Variants in KIFAP3 observed in about 807,000 individuals in gnomAD.
KIFAP3 encodes kinesin associated protein 3, also known as kinesin-associated protein 3.
KIFAP3 carries 68 observed loss-of-function variants against 106.5 expected under a neutral mutation model. That is an observed-to-expected ratio of 0.64 (90% CI 0.53 to 0.78). The LOEUF is 0.78. KIFAP3 is among the 30% of genes least tolerant of loss of function. The pLI is 0.00. For missense variants in KIFAP3, 780 were observed against 941.8 expected (o/e 0.83, Z 2.25); for synonymous variants, 320 against 311.5 (o/e 1.03, Z -0.29).
At chr1:169,986,367 T>C (rs565175560) in intron 11 of KIFAP3, among the ~76,000 whole-genome samples, 5 of 152,028 alleles carry the variant, frequency 3.3e-5, no homozygotes, top group Non-Finnish European at 7.4e-5. Context: ...TCTAAGCAAA[T>C]ACACTGATCT....
At chr1:170,066,110 T>A (rs1009729518) in intron 1 of KIFAP3, among the ~76,000 whole-genome samples, 1 of 152,156 alleles carries the variant, frequency 6.6e-6, no homozygotes, top group African/African-American at 2.4e-5. Flanking sequence ...GTTACCTTTT[T>A]TTTTTCACAA....
chr1:170,067,506 T>G (rs1365944957), intron 1 of KIFAP3: 1 of 152,284 alleles, frequency 6.6e-6, no homozygotes, highest in Non-Finnish European at 1.5e-5. Context: ...TCACTTACCC[T>G]AGACATCCAC....
intron 2 of KIFAP3, among the ~76,000 whole-genome samples, chr1:170,054,304 C>T (rs1015064129): frequency 2.0e-5 from 3 of 152,162 alleles, no homozygotes; most frequent in Non-Finnish European, 2.9e-5. Flanking sequence ...TACCATCTCA[C>T]GCCAGTTAGA....
intron 19 of KIFAP3, among the ~76,000 whole-genome samples, chr1:169,928,017 G>A (rs765279912): frequency 3.0e-4 from 46 of 152,138 alleles, no homozygotes; most frequent in Admixed American, 3.9e-4. Context: ...CTGTCCAAAT[G>A]TGAAGTAATG....
At chr1:169,946,047 C>T (rs1465703933) in intron 19 of KIFAP3, among the ~76,000 whole-genome samples, 1 of 152,114 alleles carries the variant, frequency 6.6e-6, no homozygotes, top group African/African-American at 2.4e-5. Flanking sequence ...AGAAATCAGA[C>T]TATTAATAAG....
At chr1:170,029,270 TA>T (rs1224082997) in intron 8 of KIFAP3, among the ~76,000 whole-genome samples, 2 of 151,944 alleles carry the variant, frequency 1.3e-5, no homozygotes, top group East Asian at 3.9e-4. Flanking sequence ...GCAGGAGCAA[TA>T]AATAAATCAC....
At chr1:170,047,620 CA>C (rs1165754265) in intron 2 of KIFAP3, among the ~76,000 whole-genome samples, 2,519 of 46,140 alleles carry the variant, frequency 0.055, 26 homozygotes, top group African/African-American at 0.12. Flanking sequence ...GGCTCTGTCT[CA>C]AAAAAAAAAA....
chr1:169,934,048 G>C (rs1323841552), intron 19 of KIFAP3, among the ~76,000 whole-genome samples: 1 of 152,080 alleles, frequency 6.6e-6, no homozygotes, highest in Non-Finnish European at 1.5e-5. Flanking sequence ...GTATTTGGTG[G>C]TGTTATTGTT....
chr1:169,989,391 G>C (rs1340285670), intron 11 of KIFAP3, among the ~76,000 whole-genome samples: 1 of 151,680 alleles, frequency 6.6e-6, no homozygotes, highest in Non-Finnish European at 1.5e-5. Flanking sequence ...AGTCAATCTC[G>C]GTAAGAATAT....
Position 169,983,348 on chromosome 1 carries a change from C to T in KIFAP3, c.1428G>A (p.Leu476=), listed in dbSNP as rs1464784607. The T allele has an allele frequency of 6.2e-7, 1 of 1,609,614 alleles. No individual in the cohort carries two copies. Among genetic ancestry groups the T allele is most frequent in the Non-Finnish European group, 8.5e-7 (1 of 1,177,726 alleles). The change falls in exon 13 of 20, where the codon CTG becomes CTA. Residue 476 remains leucine (L), a synonymous_variant. Transcript: ENST00000361580. ...NGLKMLMKRA[L]KFKDPLLMKM... ...TCATCAGCAATGGATCCTTAAACTT[C>T]AGAGCCCTCTTCATGAGCATCTTCA...
chr1:169,948,189 TATTAA>T (rs1249352762), intron 19 of KIFAP3, among the ~76,000 whole-genome samples: 1 of 151,996 alleles, frequency 6.6e-6, no homozygotes, highest in African/African-American at 2.4e-5. Context: ...ATAAAGGTTT[TATTAA>T]ATTCTACAAC....
intron 8 of KIFAP3, among the ~76,000 whole-genome samples, chr1:170,025,271 T>A (rs2102025333): frequency 6.6e-6 from 1 of 152,250 alleles, no homozygotes; most frequent in Non-Finnish European, 1.5e-5. Flanking sequence ...ATTTGCTTTT[T>A]ATAGTGAAAA....
chr1:170,035,121 T>C (rs58179539), intron 6 of KIFAP3, among the ~76,000 whole-genome samples: 13,511 of 151,972 alleles, frequency 0.089, 1,581 homozygotes, highest in African/African-American at 0.27. Flanking sequence ...AACAATAACA[T>C]TTACTGAGCA....
chr1:169,964,419 C>T (rs574780995), intron 17 of KIFAP3, among the ~76,000 whole-genome samples: 2 of 152,218 alleles, frequency 1.3e-5, no homozygotes, highest in East Asian at 1.9e-4. Context: ...GATAAATGAA[C>T]ATTTGTCAGG....
intron 1 of KIFAP3, among the ~76,000 whole-genome samples, chr1:170,080,944 C>A (rs1469456507): frequency 6.6e-6 from 1 of 152,082 alleles, no homozygotes; most frequent in African/African-American, 2.4e-5. Context: ...TTACTCTCTT[C>A]CATTTTTAAT....
At chr1:169,959,983 A>G (rs1034522695) in intron 18 of KIFAP3, among the ~76,000 whole-genome samples, 2 of 152,160 alleles carry the variant, frequency 1.3e-5, no homozygotes, top group Non-Finnish European at 2.9e-5. Context: ...AGAGTAAAGC[A>G]TAAGTTTTCC....
intron 16 of KIFAP3, among the ~76,000 whole-genome samples, chr1:169,974,181 TAAAGC>T (rs1392539613): frequency 6.6e-6 from 1 of 151,784 alleles, no homozygotes; most frequent in Non-Finnish European, 1.5e-5. Flanking sequence ...AGGGAGATAA[TAAAGC>T]AAATTCAAAT....
rs1672022024 is a variant in KIFAP3 at position 170,081,624 on chromosome 1, C to T, written n.174+3411G>A. Among the ~76,000 whole-genome samples the T allele has an allele frequency of 5.9e-5, 9 of 152,332 alleles. No homozygotes were observed. In the South Asian group the frequency reaches 1.9e-3, roughly 32 times the overall value. ...AAAGCCAGCAACAGTGGCCCAAGTTCTTTTCATTATTGCCATCTCACAGGT... is the reference window on the plus strand; with the variant it reads ...AAAGCCAGCAACAGTGGCCCAAGTTTTTTTCATTATTGCCATCTCACAGGT... On this transcript the variant is annotated intron_variant and non_coding_transcript_variant, in intron 1 of 5. Coordinates refer to the KIFAP3 transcript ENST00000490550.
intron 18 of KIFAP3, among the ~76,000 whole-genome samples, chr1:169,958,674 C>T (rs1665160273): frequency 6.6e-6 from 1 of 152,034 alleles, no homozygotes; most frequent in African/African-American, 2.4e-5. Flanking sequence ...CATTCACATA[C>T]TAAGATTCAC....
Sources: allele counts gnomAD v4.1 joint callset (sites outside exome capture counted in the v4.1 genomes callset), GRCh38; gene constraint gnomAD v4.1.1; transcripts MANE v1.5; gene names NCBI Gene and HGNC (gene_info 2026-07-23, HGNC 2026-07-21).